GSKIP: variants seen among roughly 807,000 people sequenced by gnomAD.
GSKIP encodes GSK3B-interacting protein.
GSKIP carries 5 observed loss-of-function variants against 11.9 expected under a neutral mutation model. The ratio of observed to expected loss-of-function variants is 0.42; its 90% CI spans 0.22 to 0.89. GSKIP has a LOEUF of 0.89. GSKIP is among the 40% of genes least tolerant of loss of function. The pLI, the probability that GSKIP is intolerant of heterozygous loss-of-function variation, is 0.29. For synonymous variants in GSKIP, 70 were observed against 62.9 expected, an observed-to-expected ratio of 1.11 and a Z score of -0.54; for missense variants, 150 against 166.6, an observed-to-expected ratio of 0.90 and a Z score of 0.55.
chr14:96,373,333 A>G (rs893784352), intron 1 of GSKIP, among the ~76,000 whole-genome samples: 3 of 151,806 alleles, frequency 2.0e-5, no homozygotes, highest in African/African-American at 7.3e-5. Context: ...TTTGGAGACT[A>G]AGTTGCTGGA....
At chr14:96,370,565 C>G (rs1044160972) in intron 1 of GSKIP, among the ~76,000 whole-genome samples, 6 of 152,004 alleles carry the variant, frequency 3.9e-5, no homozygotes, top group Admixed American at 1.3e-4. Flanking sequence ...GTCTTTCTCC[C>G]AGGAATGAGT....
At chr14:96,371,200 A>C (rs983833708) in intron 1 of GSKIP, among the ~76,000 whole-genome samples, 1 of 152,186 alleles carries the variant, frequency 6.6e-6, no homozygotes, top group Non-Finnish European at 1.5e-5. Context: ...CTTTACTTTC[A>C]AAACAGTTGT....
Position 96,385,870 on chromosome 14 carries a change from G to C in GSKIP, c.*186G>C. 1 of 518,770 alleles carries C rather than the reference G, an allele frequency of 1.9e-6. No homozygotes were observed. Among genetic ancestry groups the C allele is most frequent in the Non-Finnish European group, 3.4e-6 (1 of 292,644 alleles). The allele number at this position is 518,770 out of a possible 1,614,324, so 32.1% of individuals were successfully genotyped here. ...TGTCTTAGTTTCTGTTTCAGTAAGG[G>C]AATTCTGAGGCCGTTGCTATGATAC... On this transcript the variant is annotated 3_prime_UTR_variant, in exon 4 of 4. Transcript: ENST00000555181.
intron 3 of GSKIP, 44 bp from the exon 4 acceptor site, chr14:96,385,479 C>A: frequency 5.9e-6 from 9 of 1,520,764 alleles, no homozygotes; most frequent in Non-Finnish European, 8.0e-6. Context: ...GCTTTCTGTA[C>A]CAACATGAAA....
At chr14:96,373,870 T>C (rs1372385738) in intron 1 of GSKIP, among the ~76,000 whole-genome samples, 1 of 152,214 alleles carries the variant, frequency 6.6e-6, no homozygotes, top group Non-Finnish European at 1.5e-5. Flanking sequence ...TTTAAATTTT[T>C]TCTCACCATG....
At chr14:96,370,745 G>A (rs1385335955) in intron 1 of GSKIP, among the ~76,000 whole-genome samples, 2 of 152,160 alleles carry the variant, frequency 1.3e-5, no homozygotes, top group African/African-American at 2.4e-5. Context: ...GCAGCTGGAG[G>A]CCATTGCAAA....
chr14:96,372,667 T>C (rs1889082117), intron 1 of GSKIP, among the ~76,000 whole-genome samples: 2 of 152,150 alleles, frequency 1.3e-5, no homozygotes, highest in South Asian at 4.1e-4. Flanking sequence ...ATCATACAAA[T>C]ATGGTGAGCC....
chr14:96,379,612 A>G (rs1488587393), intron 1 of GSKIP, 76 bp from the exon 2 acceptor site: 1 of 152,196 alleles, frequency 6.6e-6, no homozygotes, highest in Non-Finnish European at 1.5e-5. Flanking sequence ...TCTAAATTGT[A>G]TGTTATTCAA....
chr14:96,384,054 T>TA (rs1033349664), intron 3 of GSKIP, among the ~76,000 whole-genome samples: 10 of 152,072 alleles, frequency 6.6e-5, no homozygotes, highest in East Asian at 5.8e-4. Flanking sequence ...CTTGGAGATT[T>TA]AAAAAAAACT....
chr14:96,367,987 T>G (rs1161301496), intron 1 of GSKIP, among the ~76,000 whole-genome samples: 1 of 152,214 alleles, frequency 6.6e-6, no homozygotes, highest in Non-Finnish European at 1.5e-5. Context: ...CTGTAGATAT[T>G]GATTTATGTT....
chr14:96,374,404 T>G (rs528545656), intron 1 of GSKIP, among the ~76,000 whole-genome samples: 2 of 152,184 alleles, frequency 1.3e-5, no homozygotes, highest in South Asian at 4.2e-4. Flanking sequence ...ACCTACAGAT[T>G]CCAGAATCTC....
chr14:96,373,747 A>G (rs1234703422), intron 1 of GSKIP, among the ~76,000 whole-genome samples: 1 of 152,200 alleles, frequency 6.6e-6, no homozygotes, highest in Non-Finnish European at 1.5e-5. Context: ...CTGTAATGGG[A>G]CAGAATTAAC....
Position 96,386,999 on chromosome 14 carries a change from G to T in GSKIP, c.*1315G>T, listed in dbSNP as rs1889508548. 6.6e-6 allele frequency: 1 copy of T among 152,168 alleles called. No individual in the cohort carries two copies. Among genetic ancestry groups the T allele is most frequent in the East Asian group, 1.9e-4 (1 of 5,194 alleles). 9.4% of individuals were successfully genotyped at this position (152,168 alleles called of 1,614,324 possible). ...ACTTTTAGGCTCTGAAGATCATGTG[G>T]ACCAGAGCAAATTAAAGTTCAGTTT... On this transcript the variant is annotated 3_prime_UTR_variant, in exon 4 of 4. Coordinates refer to ENST00000555181, the MANE Select transcript of GSKIP (RefSeq NM_016472.5).
In GSKIP at chr14:96,386,798, T is replaced by C. The variant is rs1421905452; in HGVS notation, c.*1114T>C. 1 of 152,676 alleles carries C rather than the reference T, an allele frequency of 6.5e-6. No homozygotes were observed. Among genetic ancestry groups the C allele is most frequent in the East Asian group, 1.9e-4 (1 of 5,202 alleles). The allele number at this position is 152,676 out of a possible 1,614,324, so 9.5% of individuals were successfully genotyped here. A position where few individuals can be genotyped will look rare whatever the true frequency, so the allele number is the denominator to read the frequency against. ...TGATATTTATAAATTTAATAAACTG[T>C]ACCATGCTGCTGCATGTTTTCAAGT... On this transcript the variant is annotated 3_prime_UTR_variant, in exon 4 of 4. Coordinates refer to ENST00000555181, the MANE Select transcript of GSKIP (RefSeq NM_016472.5).
At chr14:96,366,349 G>A (rs1032820379) in intron 1 of GSKIP, among the ~76,000 whole-genome samples, 1 of 152,204 alleles carries the variant, frequency 6.6e-6, no homozygotes, top group African/African-American at 2.4e-5. Flanking sequence ...ATATCAGAAA[G>A]GAAAATTAAA....
chr14:96,365,861 A>G (rs1377247846), intron 1 of GSKIP, among the ~76,000 whole-genome samples: 2 of 151,822 alleles, frequency 1.3e-5, no homozygotes, highest in Non-Finnish European at 2.9e-5. Flanking sequence ...TTTGGCCTTT[A>G]CTCTGGGTGA....
intron 2 of GSKIP, among the ~76,000 whole-genome samples, chr14:96,381,016 A>G (rs774846344): frequency 2.6e-5 from 4 of 152,240 alleles, no homozygotes; most frequent in Non-Finnish European, 4.4e-5. Flanking sequence ...TGCTTCATTC[A>G]CGACAGCAGA....
rs555535333 is a variant in GSKIP, at chr14:96,376,161, C to A, written c.-102-3527C>A. ...ACACTACATACTGCCAGTAAGAAAC[C>A]CATATTAAATAAAAAGATATTTGTA... is the stretch of plus-strand genomic sequence containing the variant. On this transcript the variant is annotated intron_variant, in intron 1 of 3. Coordinates refer to ENST00000555181, the MANE Select transcript of GSKIP (RefSeq NM_016472.5). 2.6e-5 allele frequency among the ~76,000 whole-genome samples: 4 copies of A among 152,214 alleles called. 1 individual carries two copies. The highest frequency in any genetic ancestry group is 9.6e-5 in the African/African-American group (4 of 41,542).
chr14:96,380,113 C>A (rs1889306875), intron 2 of GSKIP: 1 of 151,896 alleles, frequency 6.6e-6, no homozygotes, highest in Admixed American at 6.6e-5. Flanking sequence ...TATAATAAGT[C>A]AATTTGAGCT....
Sources: allele counts gnomAD v4.1 joint callset (sites outside exome capture counted in the v4.1 genomes callset), GRCh38; gene constraint gnomAD v4.1.1; transcripts MANE v1.5; gene names NCBI Gene and HGNC (gene_info 2026-07-23, HGNC 2026-07-21).